The following MAP2K6 variants were observed in gnomAD, a reference collection of about 807,000 sequenced individuals.
The protein encoded by MAP2K6 is mitogen-activated protein kinase kinase 6, also known as dual specificity mitogen-activated protein kinase kinase 6.
A neutral mutation model predicts 53.7 loss-of-function variants in MAP2K6; 16 were observed. The observed-to-expected ratio is 0.30, with a 90% CI of 0.20 to 0.45. The LOEUF (loss-of-function observed/expected upper bound fraction) is 0.45, where lower values mean the gene tolerates loss of function less well. MAP2K6 is among the 20% of genes least tolerant of loss of function. The probability of loss-of-function intolerance (pLI) is 1.00; values close to 1 mark genes in which losing one functional copy is unlikely to be tolerated. For missense variants in MAP2K6, 204 were observed against 411.9 expected, an observed-to-expected ratio of 0.50 and a Z score of 4.37; for synonymous variants, 132 against 143.1, an observed-to-expected ratio of 0.92 and a Z score of 0.55.
chr17:69,495,953 C>T (rs1908930358), intron 1 of MAP2K6, among the ~76,000 whole-genome samples: 1 of 152,130 alleles, frequency 6.6e-6, no homozygotes, highest in Non-Finnish European at 1.5e-5. Flanking sequence ...TCCCTACTGC[C>T]TGCCTCCTGC....
intron 1 of MAP2K6, among the ~76,000 whole-genome samples, chr17:69,429,186 CCA>C (rs1237148139): frequency 6.6e-6 from 1 of 151,802 alleles, no homozygotes; most frequent in Non-Finnish European, 1.5e-5. Flanking sequence ...CCTGTAAACC[CCA>C]GTCAGGCTGG....
At chr17:69,490,749 A>G (rs1387132239) in intron 1 of MAP2K6, among the ~76,000 whole-genome samples, 1 of 151,928 alleles carries the variant, frequency 6.6e-6, no homozygotes, top group Non-Finnish European at 1.5e-5. Context: ...TCAGGGGTAC[A>G]TGTGCAGGTT....
intron 1 of MAP2K6, among the ~76,000 whole-genome samples, chr17:69,468,292 C>T (rs1907878076): frequency 6.6e-6 from 1 of 152,200 alleles, no homozygotes; most frequent in Non-Finnish European, 1.5e-5. Context: ...GCTGTAATCT[C>T]TCAATTAGTT....
intron 1 of MAP2K6, among the ~76,000 whole-genome samples, chr17:69,441,880 G>A (rs1274927341): frequency 5.3e-5 from 8 of 152,240 alleles, no homozygotes; most frequent in Non-Finnish European, 1.2e-4. Context: ...TTACTGATAG[G>A]TGGGGGTGCT....
chr17:69,449,616 T>TC, intron 1 of MAP2K6, among the ~76,000 whole-genome samples: 1 of 132,108 alleles, frequency 7.6e-6, no homozygotes, highest in Non-Finnish European at 1.6e-5. Context: ...TCTCTTTTTT[T>TC]TTTTTTTTTT....
intron 1 of MAP2K6, among the ~76,000 whole-genome samples, chr17:69,425,049 A>G (rs149170912): frequency 1.3e-5 from 2 of 152,240 alleles, no homozygotes; most frequent in African/African-American, 4.8e-5. Context: ...GTTAAATTGT[A>G]TTAAAACTAA....
intron 8 of MAP2K6, among the ~76,000 whole-genome samples, chr17:69,524,694 A>G (rs946196160): frequency 6.6e-5 from 10 of 152,156 alleles, no homozygotes; most frequent in African/African-American, 2.4e-4. Context: ...ACTGTGTCCA[A>G]GAAAAGACAA....
At chr17:69,514,718 C>T (rs1386481706) in intron 2 of MAP2K6, among the ~76,000 whole-genome samples, 5 of 151,740 alleles carry the variant, frequency 3.3e-5, no homozygotes, top group South Asian at 4.2e-4. Context: ...TCCGCCACCA[C>T]GCCCGGCTAA....
intron 1 of MAP2K6, among the ~76,000 whole-genome samples, chr17:69,417,754 A>C (rs984365704): frequency 2.6e-5 from 4 of 152,190 alleles, no homozygotes; most frequent in Admixed American, 6.5e-5. Context: ...CGGGAGAGAA[A>C]AACTATTGTT....
At chr17:69,442,773 G>T (rs1906862035) in intron 1 of MAP2K6, among the ~76,000 whole-genome samples, 1 of 152,192 alleles carries the variant, frequency 6.6e-6, no homozygotes, top group Non-Finnish European at 1.5e-5. Flanking sequence ...ATTGTAAGCT[G>T]TGTAACCTTG....
chr17:69,466,665 T>G (rs1258721474), intron 1 of MAP2K6, among the ~76,000 whole-genome samples: 1 of 152,224 alleles, frequency 6.6e-6, no homozygotes, highest in African/African-American at 2.4e-5. Flanking sequence ...CCCGTGGCAT[T>G]TTCTTACAGA....
At chr17:69,470,392 G>GC (rs1907947618) in intron 1 of MAP2K6, among the ~76,000 whole-genome samples, 1 of 152,150 alleles carries the variant, frequency 6.6e-6, no homozygotes, top group South Asian at 2.1e-4. Flanking sequence ...CCAAGATGAG[G>GC]CCCTGGAATC....
intron 1 of MAP2K6, among the ~76,000 whole-genome samples, chr17:69,456,768 A>G (rs917539413): frequency 2.6e-5 from 4 of 152,122 alleles, no homozygotes. Flanking sequence ...TGACCATTTC[A>G]TGAGTACTCT....
intron 8 of MAP2K6, 40 bp downstream of exon 8, chr17:69,523,681 G>A (rs746938138): frequency 8.7e-6 from 14 of 1,603,660 alleles, no homozygotes; most frequent in South Asian, 1.1e-5. Context: ...TAATGTCACT[G>A]CCGACAAATC....
chr17:69,528,362 C>A (rs745614227), intron 10 of MAP2K6, among the ~76,000 whole-genome samples: 4 of 152,086 alleles, frequency 2.6e-5, no homozygotes, highest in Non-Finnish European at 5.9e-5. Context: ...TGTTGGATGC[C>A]TCTTAAAAGA....
At chr17:69,462,011 A>C (rs1377520845) in intron 1 of MAP2K6, among the ~76,000 whole-genome samples, 1 of 152,204 alleles carries the variant, frequency 6.6e-6, no homozygotes, top group Non-Finnish European at 1.5e-5. Flanking sequence ...CAGTTTGGAA[A>C]GGAAGGTGAA....
intron 2 of MAP2K6, among the ~76,000 whole-genome samples, 190 bp from the exon 3 acceptor site, chr17:69,516,665 A>T (rs1414293922): frequency 6.6e-6 from 1 of 152,210 alleles, no homozygotes; most frequent in Non-Finnish European, 1.5e-5. Flanking sequence ...CCCCAAAGAG[A>T]TTAAGTGATT....
At chr17:69,432,332 A>G (rs762282244) in intron 1 of MAP2K6, among the ~76,000 whole-genome samples, 2 of 152,346 alleles carry the variant, frequency 1.3e-5, no homozygotes, top group African/African-American at 2.4e-5. Context: ...AAATCACTCT[A>G]TTATGAAGAT....
In MAP2K6 at chr17:69,523,495, T is replaced by G. The variant is rs530405963; in HGVS notation, c.536-19T>G. 207 of 1,612,772 alleles carry G rather than the reference T, an allele frequency of 1.3e-4. 3 individuals are homozygous for G. In the South Asian group the frequency reaches 2.1e-3, roughly 16 times the overall value. On this transcript the variant is annotated intron_variant, in intron 7 of 11. Transcript: ENST00000590474. ...AAAGCAGGCTGAAATGATGGCATCC[T>G]GGTTGTTTTCGCTTTCAGACGTCAA... is the stretch of plus-strand genomic sequence containing the variant.
Sources: allele counts gnomAD v4.1 joint callset (sites outside exome capture counted in the v4.1 genomes callset), GRCh38; gene constraint gnomAD v4.1.1; transcripts MANE v1.5; gene names NCBI Gene and HGNC (gene_info 2026-07-23, HGNC 2026-07-21).